The following KDM4C variants were observed in gnomAD, a reference collection of about 807,000 sequenced individuals.
KDM4C encodes the protein lysine-specific demethylase 4C.
A neutral mutation model predicts 129.3 loss-of-function variants in KDM4C; 81 were observed. The ratio of observed to expected loss-of-function variants is 0.63; its 90% CI spans 0.52 to 0.75. KDM4C has a LOEUF of 0.75. KDM4C is among the 30% of genes least tolerant of loss of function. The pLI, the probability that KDM4C is intolerant of heterozygous loss-of-function variation, is 0.00. For synonymous variants in KDM4C, 573 were observed against 456.1 expected, an observed-to-expected ratio of 1.26 and a Z score of -3.26; for missense variants, 1,457 against 1,304.0, an observed-to-expected ratio of 1.12 and a Z score of -1.81.
intron 1 of KDM4C, among the ~76,000 whole-genome samples, chr9:6,761,156 C>T (rs1439488249): frequency 6.6e-6 from 1 of 151,932 alleles, no homozygotes. Flanking sequence ...ATTACAGGCA[C>T]CCACCATCAT....
chr9:6,934,228 T>A (rs1212439590), intron 8 of KDM4C, among the ~76,000 whole-genome samples: 1 of 151,306 alleles, frequency 6.6e-6, no homozygotes, highest in Non-Finnish European at 1.5e-5. Flanking sequence ...ACGCCGGTAA[T>A]CCTATCACTT....
intron 20 of KDM4C, among the ~76,000 whole-genome samples, chr9:7,169,049 TAA>T (rs77258477): frequency 3.9e-5 from 5 of 128,046 alleles, no homozygotes; most frequent in Admixed American, 7.9e-5. Flanking sequence ...TGTCTCAATT[TAA>T]AAAAAAAAAA....
At chr9:6,852,203 T>C (rs927532091) in intron 5 of KDM4C, among the ~76,000 whole-genome samples, 1 of 152,190 alleles carries the variant, frequency 6.6e-6, no homozygotes. Flanking sequence ...TTAAAATTCA[T>C]TTTAGCAATC....
chr9:7,074,040 A>G (rs1234243437), intron 17 of KDM4C, among the ~76,000 whole-genome samples: 7 of 152,348 alleles, frequency 4.6e-5, no homozygotes, highest in South Asian at 2.1e-4. Flanking sequence ...TTTGCTATCT[A>G]AAGAACAGCA....
At chr9:7,084,593 T>C (rs1834903751) in intron 17 of KDM4C, among the ~76,000 whole-genome samples, 1 of 152,218 alleles carries the variant, frequency 6.6e-6, no homozygotes, top group Non-Finnish European at 1.5e-5. Context: ...TGCTACATTG[T>C]ATATATTTTA....
chr9:6,881,885 G>A (rs1255257769), intron 6 of KDM4C, among the ~76,000 whole-genome samples: 1 of 152,212 alleles, frequency 6.6e-6, no homozygotes, highest in Non-Finnish European at 1.5e-5. Flanking sequence ...ATAATGCAGT[G>A]CGAATGATGG....
intron 17 of KDM4C, among the ~76,000 whole-genome samples, chr9:7,058,266 T>A (rs1329402018): frequency 1.7e-5 from 1 of 59,970 alleles, no homozygotes; most frequent in Non-Finnish European, 3.4e-5. Flanking sequence ...ATCAGCATAC[T>A]GTTTCCAACC....
intron 4 of KDM4C, among the ~76,000 whole-genome samples, chr9:6,832,792 A>T (rs1004303580): frequency 1.4e-5 from 2 of 142,798 alleles, no homozygotes; most frequent in African/African-American, 5.3e-5. Flanking sequence ...CAATGGTGCA[A>T]TCTCAGCTCA....
intron 1 of KDM4C, among the ~76,000 whole-genome samples, chr9:6,777,916 C>CTT (rs35889810): frequency 1.3e-4 from 18 of 137,670 alleles, no homozygotes; most frequent in Non-Finnish European, 2.5e-4. Context: ...GTTTTCAGGC[C>CTT]TTTTTTTTTT....
chr9:6,990,336 A>C, intron 11 of KDM4C, 80 bp from the exon 12 acceptor site: 1 of 915,802 alleles, frequency 1.1e-6, no homozygotes, highest in Non-Finnish European at 1.7e-6. Flanking sequence ...GTGATAAATA[A>C]TTGTGAACTG....
intron 8 of KDM4C, chr9:6,973,709 G>A (rs1832412829): frequency 6.6e-6 from 1 of 152,168 alleles, no homozygotes; most frequent in Non-Finnish European, 1.5e-5. Flanking sequence ...TGCATAGCTA[G>A]TTTTAAAATT....
intron 6 of KDM4C, among the ~76,000 whole-genome samples, chr9:6,886,695 T>C (rs1173225859): frequency 6.6e-6 from 1 of 152,052 alleles, no homozygotes; most frequent in Non-Finnish European, 1.5e-5. Context: ...GGTTTTACCA[T>C]GTTGGCCAGG....
chr9:7,165,169 A>G, intron 19 of KDM4C, 69 bp from the exon 20 acceptor site: 2 of 1,566,278 alleles, frequency 1.3e-6, no homozygotes, highest in Admixed American at 1.9e-5. Context: ...GGAGTTCATC[A>G]TTTGCTAAGT....
intron 17 of KDM4C, among the ~76,000 whole-genome samples, chr9:7,095,230 C>T (rs916623333): frequency 2.6e-5 from 4 of 152,224 alleles, no homozygotes; most frequent in African/African-American, 7.2e-5. Context: ...GCATGTGTTT[C>T]AGTAAACATA....
chr9:7,031,420 C>G (rs964180234), intron 15 of KDM4C, among the ~76,000 whole-genome samples: 1 of 152,104 alleles, frequency 6.6e-6, no homozygotes, highest in South Asian at 2.1e-4. Flanking sequence ...CTTGGCCTCC[C>G]AAAGTGCTGG....
chr9:7,141,058 G>C (rs776137194), intron 19 of KDM4C, among the ~76,000 whole-genome samples: 5 of 152,204 alleles, frequency 3.3e-5, no homozygotes, highest in African/African-American at 1.2e-4. Flanking sequence ...CCATCTTATA[G>C]GGTTGGGGTT....
At chr9:6,757,787 G>A, upstream of KDM4C, 1 of 985,582 alleles carries the variant, frequency 1.0e-6, no homozygotes, top group Non-Finnish European at 1.2e-6. Flanking sequence ...CCTCCGGAAA[G>A]AATGGGATAT....
At chr9:6,787,289 G>A (rs4742265) in intron 1 of KDM4C, among the ~76,000 whole-genome samples, 12,119 of 152,272 alleles carry the variant, frequency 0.08, 695 homozygotes, top group South Asian at 0.23. Context: ...CTAGAGTGCA[G>A]TGGCACCGTC....
rs1174488986 is a variant in KDM4C, at chr9:6,984,313, G to C, written c.1263G>C (p.Lys421Asn). ...KVSEKSEAAV[K>N]LRNTEASSEE... ...GTGAAAAGTCAGAAGCAGCAGTGAA[G>C]CTGAGGAACACAGAAGCATCTTCAG... Residue 421 changes from lysine (K) to asparagine (N), a missense_variant, in exon 10 of 22, where the codon AAG becomes AAC. Lys to Asn is a moderately conservative substitution (Grantham distance 94). Coordinates refer to ENST00000381309, the MANE Select transcript of KDM4C (RefSeq NM_015061.6). 6.2e-7 allele frequency: 1 copy of C among 1,614,000 alleles called. No individual in the cohort carries two copies. The highest frequency in any genetic ancestry group is 1.3e-5 in the African/African-American group (1 of 74,934).
Sources: allele counts gnomAD v4.1 joint callset (sites outside exome capture counted in the v4.1 genomes callset), GRCh38; gene constraint gnomAD v4.1.1; transcripts MANE v1.5; gene names NCBI Gene and HGNC (gene_info 2026-07-23, HGNC 2026-07-21).